CCDC178: variants seen among roughly 807,000 people sequenced by gnomAD.
The protein encoded by CCDC178 is coiled-coil domain containing 178.
CCDC178 carries 126 observed loss-of-function variants against 117.4 expected under a neutral mutation model. That is an observed-to-expected ratio of 1.07 (90% CI 0.93 to 1.24). CCDC178 has a LOEUF of 1.24. Among genes scored for constraint, CCDC178 ranks in the 50% most tolerant of loss-of-function variants. The pLI is 0.00. For missense variants in CCDC178, 1,030 were observed against 986.9 expected, an observed-to-expected ratio of 1.04 and a Z score of -0.59; for synonymous variants, 283 against 313.4, an observed-to-expected ratio of 0.90 and a Z score of 1.02.
chr18:33,073,513 ATC>A (rs2057146976), intron 21 of CCDC178, among the ~76,000 whole-genome samples: 2 of 70,508 alleles, frequency 2.8e-5, no homozygotes, highest in South Asian at 7.1e-4. Flanking sequence ...GCATCTATCT[ATC>A]TATCTATCTA....
intron 22 of CCDC178, among the ~76,000 whole-genome samples, chr18:32,947,188 G>A (rs1046018902): frequency 3.3e-5 from 5 of 152,148 alleles, no homozygotes; most frequent in Admixed American, 2.6e-4. Flanking sequence ...CAATAACAAA[G>A]CAGTCACGAT....
chr18:33,366,299 G>A (rs1200579562), intron 6 of CCDC178, among the ~76,000 whole-genome samples: 2 of 151,992 alleles, frequency 1.3e-5, no homozygotes, highest in Non-Finnish European at 2.9e-5. Context: ...ACCTCAGCAG[G>A]AGGGGTTTAA....
At chr18:33,312,343 G>A (rs529501245) in intron 11 of CCDC178, among the ~76,000 whole-genome samples, 1 of 152,090 alleles carries the variant, frequency 6.6e-6, no homozygotes, top group Non-Finnish European at 1.5e-5. Flanking sequence ...TAACTCAGGG[G>A]TTAAAAAACC....
intron 20 of CCDC178, among the ~76,000 whole-genome samples, chr18:33,114,378 T>G (rs2057823907): frequency 6.6e-6 from 1 of 150,748 alleles, no homozygotes; most frequent in Non-Finnish European, 1.5e-5. Context: ...GAATGGGGGG[T>G]GGGGAACTTG....
intron 22 of CCDC178, among the ~76,000 whole-genome samples, chr18:32,966,822 T>G (rs967091905): frequency 6.6e-6 from 1 of 151,892 alleles, no homozygotes; most frequent in Non-Finnish European, 1.5e-5. Context: ...TGATATATGT[T>G]TACTTTTATT....
At chr18:33,110,207 G>A (rs1463736452) in intron 20 of CCDC178, among the ~76,000 whole-genome samples, 2 of 151,468 alleles carry the variant, frequency 1.3e-5, no homozygotes, top group South Asian at 2.1e-4. Context: ...TTTCTGAAGC[G>A]ATTTTCCAGT....
chr18:33,116,143 G>C (rs1176720806), intron 20 of CCDC178, among the ~76,000 whole-genome samples: 1 of 152,048 alleles, frequency 6.6e-6, no homozygotes. Context: ...CAACCCAGGA[G>C]AGTCTGCAAA....
intron 22 of CCDC178, among the ~76,000 whole-genome samples, chr18:32,941,222 A>G (rs2054232959): frequency 1.3e-5 from 2 of 152,112 alleles, no homozygotes; most frequent in African/African-American, 4.8e-5. Context: ...AAAGAGTTCA[A>G]TGGTCATCAG....
chr18:33,425,193 CACAA>C (rs1403878018), intron 2 of CCDC178, among the ~76,000 whole-genome samples: 19 of 152,134 alleles, frequency 1.2e-4, no homozygotes, highest in Admixed American at 4.6e-4. Context: ...CCACAGAATA[CACAA>C]ACAATCGAGC....
chr18:32,990,975 T>G (rs2055376244), intron 21 of CCDC178, among the ~76,000 whole-genome samples: 1 of 151,520 alleles, frequency 6.6e-6, no homozygotes. Context: ...TTATATCAAT[T>G]ATATTATGAG....
intron 11 of CCDC178, among the ~76,000 whole-genome samples, chr18:33,310,820 C>A (rs1049366146): frequency 3.3e-5 from 5 of 152,186 alleles, no homozygotes; most frequent in African/African-American, 1.2e-4. Flanking sequence ...ATTTGACATA[C>A]AGTTCCCTTA....
At chr18:33,257,039 A>G (rs7238950) in intron 14 of CCDC178, among the ~76,000 whole-genome samples, 42 of 152,128 alleles carry the variant, frequency 2.8e-4, no homozygotes, top group African/African-American at 8.7e-4. Flanking sequence ...GATAACTTCA[A>G]TTCATGTTGG....
chr18:33,246,905 C>T (rs1260161402), intron 14 of CCDC178, among the ~76,000 whole-genome samples: 1 of 151,848 alleles, frequency 6.6e-6, no homozygotes, highest in Non-Finnish European at 1.5e-5. Flanking sequence ...TTTGTATGAT[C>T]ACTGGGAATC....
chr18:33,074,316 C>T (rs939325528), intron 21 of CCDC178, among the ~76,000 whole-genome samples: 1 of 152,120 alleles, frequency 6.6e-6, no homozygotes, highest in Non-Finnish European at 1.5e-5. Flanking sequence ...ACGTCATTCT[C>T]AACCTCCCTT....
chr18:32,987,539 A>C (rs2055289065), intron 21 of CCDC178, among the ~76,000 whole-genome samples: 1 of 152,182 alleles, frequency 6.6e-6, no homozygotes, highest in South Asian at 2.1e-4. Flanking sequence ...ATATGTGTAC[A>C]TACAGATATA....
At chr18:33,327,281 C>T (rs1328512295) in intron 10 of CCDC178, among the ~76,000 whole-genome samples, 2 of 152,106 alleles carry the variant, frequency 1.3e-5, no homozygotes, top group Non-Finnish European at 2.9e-5. Context: ...ATCAGTACCT[C>T]ATTTCTTTTT....
chr18:33,345,998 T>C (rs545208964), intron 9 of CCDC178, among the ~76,000 whole-genome samples: 8 of 152,208 alleles, frequency 5.3e-5, no homozygotes, highest in African/African-American at 1.7e-4. Context: ...TGGCTAATTT[T>C]CGTATTTTTT....
intron 12 of CCDC178, among the ~76,000 whole-genome samples, chr18:33,281,970 A>G (rs1026909205): frequency 6.6e-6 from 1 of 152,236 alleles, no homozygotes; most frequent in Admixed American, 6.5e-5. Context: ...CTAGGTGCAG[A>G]TAAGTGGAAC....
intron 10 of CCDC178, among the ~76,000 whole-genome samples, chr18:33,327,268 T>C (rs1302126571): frequency 1.3e-5 from 2 of 152,220 alleles, no homozygotes; most frequent in Non-Finnish European, 2.9e-5. Context: ...TGTTGTAGCA[T>C]GTATCAGTAC....
Sources: allele counts gnomAD v4.1 joint callset (sites outside exome capture counted in the v4.1 genomes callset), GRCh38; gene constraint gnomAD v4.1.1; transcripts MANE v1.5; gene names NCBI Gene and HGNC (gene_info 2026-07-23, HGNC 2026-07-21).